TMOD2: variants seen among roughly 807,000 people sequenced by gnomAD.
TMOD2 encodes tropomodulin 2.
In TMOD2, 22 loss-of-function variants were observed where a neutral mutation model predicts 39.9. The ratio of observed to expected loss-of-function variants is 0.55; its 90% confidence interval spans 0.39 to 0.79. The LOEUF is 0.79. Ranked by LOEUF, TMOD2 falls within the 30% of genes least tolerant of loss-of-function variation. The pLI, the probability that TMOD2 is intolerant of heterozygous loss-of-function variation, is 0.00. For missense variants in TMOD2, 386 were observed against 413.3 expected (o/e 0.93, Z 0.57); for synonymous variants, 123 against 146.1 (o/e 0.84, Z 1.14).
intron 7 of TMOD2, among the ~76,000 whole-genome samples, chr15:51,788,182 A>T (rs7164961): frequency 6.6e-6 from 1 of 151,956 alleles, no homozygotes; most frequent in Non-Finnish European, 1.5e-5. Flanking sequence ...ACAGTACAAG[A>T]ACTTTGTAAC....
chr15:51,766,449 T>C lies in TMOD2; in HGVS notation c.8T>C (p.Leu3Pro), dbSNP rs886283239. The change falls in exon 2 of 10, where the codon CTC becomes CCC. Residue 3 changes from leucine (L) to proline (P), a missense_variant. Physicochemically the swap from Leu to Pro is moderately conservative, Grantham distance 98. Coordinates refer to ENST00000249700, the MANE Select transcript of TMOD2 (RefSeq NM_014548.4). MALPFQKELEKYK... is the reference protein window; with the variant it reads MAPPFQKELEKYK... ...AAAGGCTTATAAGAAGCCATGGCAC[T>C]CCCCTTTCAAAAAGAGCTGGAGAAA... 1 of 1,613,792 alleles carries C rather than the reference T, an allele frequency of 6.2e-7. No homozygotes were observed. Among genetic ancestry groups the C allele is most frequent in the African/African-American group, 1.3e-5 (1 of 74,888 alleles).
At chr15:51,771,877 T>C (rs1255462356) in intron 3 of TMOD2, among the ~76,000 whole-genome samples, 3 of 152,162 alleles carry the variant, frequency 2.0e-5, no homozygotes, top group Non-Finnish European at 4.4e-5. Context: ...TTTTCCTTCT[T>C]TCTGAGAAAT....
intron 8 of TMOD2, among the ~76,000 whole-genome samples, chr15:51,799,995 T>A (rs1002264471): frequency 1.3e-5 from 2 of 152,230 alleles, no homozygotes; most frequent in African/African-American, 4.8e-5. Context: ...TAGCTAAGGT[T>A]GCCACATAAA....
chr15:51,774,037 T>C (rs2055871378), intron 4 of TMOD2, among the ~76,000 whole-genome samples: 1 of 152,202 alleles, frequency 6.6e-6, no homozygotes, highest in South Asian at 2.1e-4. Flanking sequence ...CAGCAAATAA[T>C]ACCCATCTCA....
intron 8 of TMOD2, among the ~76,000 whole-genome samples, chr15:51,801,458 A>G (rs1233696445): frequency 2.0e-5 from 3 of 152,174 alleles, no homozygotes; most frequent in Non-Finnish European, 4.4e-5. Context: ...TTCCTTATCT[A>G]TCTAATGAGG....
At chr15:51,795,888 C>T (rs2056048035) in intron 7 of TMOD2, among the ~76,000 whole-genome samples, 1 of 146,644 alleles carries the variant, frequency 6.8e-6, no homozygotes, top group Non-Finnish European at 1.5e-5. Context: ...CTCTGTCTCT[C>T]TCCGCCGCCC....
intron 3 of TMOD2, among the ~76,000 whole-genome samples, chr15:51,770,197 T>A (rs2055843779): frequency 6.6e-6 from 1 of 152,164 alleles, no homozygotes; most frequent in Admixed American, 6.5e-5. Context: ...CCCCTGAACC[T>A]GCTGAGTTCT....
intron 7 of TMOD2, 28 bp from the exon 8 acceptor site, chr15:51,798,169 T>C: frequency 6.4e-7 from 1 of 1,562,504 alleles, no homozygotes; most frequent in Non-Finnish European, 8.6e-7. Flanking sequence ...AACTTAATTC[T>C]AAGTTTTTTT....
chr15:51,758,296 G>A (rs2055756561), intron 1 of TMOD2, among the ~76,000 whole-genome samples: 1 of 152,024 alleles, frequency 6.6e-6, no homozygotes, highest in South Asian at 2.1e-4. Flanking sequence ...AGTATGACAT[G>A]GCACTTATTT....
In TMOD2 at chr15:51,772,395, G is replaced by C. The variant is rs140289729; in HGVS notation, c.284-1317G>C. 4.3e-3 allele frequency among the ~76,000 whole-genome samples: 652 copies of C among 152,300 alleles called. 8 individuals carry two copies. Among genetic ancestry groups the C allele is most frequent in the African/African-American group, 0.015 (631 of 41,570 alleles). ...CTGGGGTGTTTTGATCATGGCTCTA[G>C]AATGTCCCTGGTGCACGTGTGGGAT... is the stretch of plus-strand genomic sequence containing the variant. On this transcript the variant is annotated intron_variant, in intron 3 of 9. Coordinates refer to ENST00000249700, the MANE Select transcript of TMOD2 (RefSeq NM_014548.4).
At chr15:51,795,567 TTG>T (rs2056043485) in intron 7 of TMOD2, among the ~76,000 whole-genome samples, 1 of 27,636 alleles carries the variant, frequency 3.6e-5, no homozygotes, top group Admixed American at 4.1e-4. Context: ...TCTCTTCTGC[TTG>T]CTTGCTTGCT....
At chr15:51,762,091 G>A (rs2055784936) in intron 1 of TMOD2, among the ~76,000 whole-genome samples, 1 of 150,934 alleles carries the variant, frequency 6.6e-6, no homozygotes. Context: ...GGAGCTTGCA[G>A]TGAGCCGAGA....
chr15:51,762,608 T>C (rs2055788864), intron 1 of TMOD2, among the ~76,000 whole-genome samples: 1 of 152,228 alleles, frequency 6.6e-6, no homozygotes. Flanking sequence ...GATATATGCA[T>C]GTATGTGTGA....
At chr15:51,757,405 A>C (rs1293408498) in intron 1 of TMOD2, among the ~76,000 whole-genome samples, 1 of 60,934 alleles carries the variant, frequency 1.6e-5, no homozygotes, top group African/African-American at 6.0e-5. Flanking sequence ...CCGTCTCAAA[A>C]AAAAAAAAAA....
chr15:51,777,103 G>A, intron 5 of TMOD2, 85 bp downstream of exon 5: 4 of 1,102,132 alleles, frequency 3.6e-6, no homozygotes, highest in Non-Finnish European at 5.5e-6. Context: ...GAGTCTTGCA[G>A]GCTTTACACT....
At chr15:51,776,821 C>A in intron 4 of TMOD2, 111 bp from the exon 5 acceptor site, 2 of 861,606 alleles carry the variant, frequency 2.3e-6, no homozygotes, top group Non-Finnish European at 3.9e-6. Flanking sequence ...AAAGAGGACT[C>A]AGGGACTTAT....
At chr15:51,796,844 T>C (rs796786855) in intron 7 of TMOD2, among the ~76,000 whole-genome samples, 1 of 152,214 alleles carries the variant, frequency 6.6e-6, no homozygotes, top group South Asian at 2.1e-4. Context: ...TAGGCTACTG[T>C]TGCCCTTCTG....
At chr15:51,794,741 T>C (rs2056036368) in intron 7 of TMOD2, among the ~76,000 whole-genome samples, 1 of 152,210 alleles carries the variant, frequency 6.6e-6, no homozygotes, top group African/African-American at 2.4e-5. Context: ...CAGAAATTTA[T>C]ATTTTTCATT....
intron 7 of TMOD2, among the ~76,000 whole-genome samples, chr15:51,787,606 G>C (rs930842542): frequency 6.6e-6 from 1 of 152,192 alleles, no homozygotes; most frequent in Non-Finnish European, 1.5e-5. Context: ...AGTAGGGGCC[G>C]ACAGACACCT....
Sources: gnomAD v4.1 joint callset for allele counts (sites outside exome capture counted in the v4.1 genomes callset) on GRCh38, gnomAD v4.1.1 for gene constraint, MANE v1.5 for transcripts, NCBI Gene and HGNC (gene_info 2026-07-23, HGNC 2026-07-21) for gene names.